Variants in ZDHHC21 observed in about 807,000 individuals in gnomAD.
ZDHHC21 encodes palmitoyltransferase ZDHHC21.
A neutral mutation model predicts 34.6 loss-of-function variants in ZDHHC21; 15 were observed. The ratio of observed to expected loss-of-function variants is 0.43; its 90% confidence interval spans 0.29 to 0.67. The LOEUF (loss-of-function observed/expected upper bound fraction) is 0.67. Ranked by LOEUF, ZDHHC21 falls within the 30% of genes least tolerant of loss-of-function variation. The probability of loss-of-function intolerance (pLI) is 0.14; values close to 1 mark genes in which losing one functional copy is unlikely to be tolerated. For synonymous variants in ZDHHC21, 142 were observed against 101.8 expected (o/e 1.40, Z -2.38); for missense variants, 344 against 327.7 (o/e 1.05, Z -0.38).
chr9:14,682,274 G>C (rs143885901), intron 2 of ZDHHC21, among the ~76,000 whole-genome samples: 24,196 of 152,170 alleles, frequency 0.16, 2,422 homozygotes, highest in East Asian at 0.35. Flanking sequence ...AGACCCATCA[G>C]TGTGCTGTAT....
At chr9:14,635,986 A>T (rs1828242575) in intron 8 of ZDHHC21, among the ~76,000 whole-genome samples, 1 of 152,218 alleles carries the variant, frequency 6.6e-6, no homozygotes. Context: ...AATAAAAGAA[A>T]AAGAAAAGTA....
In ZDHHC21 at chr9:14,611,764, G is replaced by C. The variant is rs1315102757; in HGVS notation, c.*7202C>G. On this transcript the variant is annotated 3_prime_UTR_variant, in exon 10 of 10. Transcript: ENST00000380916. The stretch of plus-strand genomic sequence containing the variant: ...AGCTCATACAGCATGATCCACGTGT[G>C]CTCTGTCCTTGCAAGAGCCTAGCTT... 1 of 152,014 alleles carries C rather than the reference G, an allele frequency of 6.6e-6. No homozygotes were observed. Among genetic ancestry groups the C allele is most frequent in the Non-Finnish European group, 1.5e-5 (1 of 67,944 alleles). 9.4% of individuals were successfully genotyped at this position (152,014 alleles called of 1,614,324 possible).
chr9:14,655,313 C>G (rs183198343), intron 7 of ZDHHC21, among the ~76,000 whole-genome samples: 1 of 151,888 alleles, frequency 6.6e-6, no homozygotes, highest in Non-Finnish European at 1.5e-5. Context: ...GGAACCAACA[C>G]TGAGAGAATT....
intron 8 of ZDHHC21, among the ~76,000 whole-genome samples, chr9:14,624,937 T>A (rs1825951858): frequency 6.6e-6 from 1 of 152,048 alleles, no homozygotes; most frequent in Non-Finnish European, 1.5e-5. Context: ...TATATATCAA[T>A]CAAAAATTTA....
intron 7 of ZDHHC21, among the ~76,000 whole-genome samples, chr9:14,643,693 T>C (rs1030284917): frequency 3.3e-5 from 5 of 152,230 alleles, no homozygotes; most frequent in Admixed American, 6.5e-5. Context: ...CATAGAATTA[T>C]TATTTAATTT....
rs558748466 is a variant in ZDHHC21, at chr9:14,687,136, C to G, written c.-176+3201G>C. Among the ~76,000 whole-genome samples the G allele has an allele frequency of 2.6e-5, 4 of 150,968 alleles. No homozygotes were observed. The East Asian group carries it at 5.8e-4, about 22-fold the overall frequency. Reference sequence around the variant, plus strand: ...TACTAAGTCTATGACTTGAGAGTGGCTTCCTAATGTTTCAGCAAAATAGTA... The same window carrying G: ...TACTAAGTCTATGACTTGAGAGTGGGTTCCTAATGTTTCAGCAAAATAGTA... On this transcript the variant is annotated intron_variant, in intron 2 of 9. Transcript: ENST00000380916.
intron 5 of ZDHHC21, among the ~76,000 whole-genome samples, chr9:14,668,501 C>T (rs978756120): frequency 8.6e-6 from 1 of 116,828 alleles, no homozygotes; most frequent in African/African-American, 3.5e-5. Flanking sequence ...GAAAGAACTA[C>T]TTTAAAGTTC....
At chr9:14,624,681 G>A (rs1292923787) in intron 8 of ZDHHC21, among the ~76,000 whole-genome samples, 1 of 152,000 alleles carries the variant, frequency 6.6e-6, no homozygotes, top group East Asian at 1.9e-4. Context: ...GAGGATGGTC[G>A]ATGGGTACAA....
At chr9:14,682,852 G>A (rs910986898) in intron 2 of ZDHHC21, among the ~76,000 whole-genome samples, 12 of 152,198 alleles carry the variant, frequency 7.9e-5, no homozygotes, top group South Asian at 2.1e-4. Context: ...AGACCACAGT[G>A]CAATCAAATT....
chr9:14,599,067 G>A, the ZDHHC21 span, among the ~76,000 whole-genome samples: 5 of 152,272 alleles, frequency 3.3e-5, no homozygotes, highest in Admixed American at 2.0e-4. Flanking sequence ...CCATCCCTGA[G>A]TGTGAAATTT....
At chr9:14,639,648 A>G (rs1403698208) in intron 8 of ZDHHC21, among the ~76,000 whole-genome samples, 1 of 152,062 alleles carries the variant, frequency 6.6e-6, no homozygotes, top group African/African-American at 2.4e-5. Flanking sequence ...ATCAATAAAA[A>G]ACTATAAACG....
chr9:14,590,518 A>G, the ZDHHC21 span, among the ~76,000 whole-genome samples: 1 of 152,188 alleles, frequency 6.6e-6, no homozygotes, highest in Non-Finnish European at 1.5e-5. Flanking sequence ...GAAAAATGAC[A>G]TATTGAATAA....
intron 7 of ZDHHC21, among the ~76,000 whole-genome samples, chr9:14,646,060 T>G (rs1830232738): frequency 6.6e-6 from 1 of 152,046 alleles, no homozygotes; most frequent in Non-Finnish European, 1.5e-5. Context: ...TACATCTAAG[T>G]GAAACACATG....
At chr9:14,595,112 T>C in the ZDHHC21 span, among the ~76,000 whole-genome samples, 4 of 152,192 alleles carry the variant, frequency 2.6e-5, no homozygotes, top group East Asian at 5.8e-4. Context: ...GTTAATAGTT[T>C]ATTAAAAAAT....
At chr9:14,659,023 TA>T in intron 6 of ZDHHC21, 136 bp from the exon 7 acceptor site, 1 of 821,058 alleles carries the variant, frequency 1.2e-6, no homozygotes, top group Non-Finnish European at 1.9e-6. Flanking sequence ...CACTTGAAGG[TA>T]AAAACAAACT....
At chr9:14,621,583 G>C (rs1825312508) in intron 8 of ZDHHC21, among the ~76,000 whole-genome samples, 1 of 152,042 alleles carries the variant, frequency 6.6e-6, no homozygotes, top group South Asian at 2.1e-4. Flanking sequence ...TGTGAGGCTG[G>C]CCCAAATAGG....
chr9:14,682,281 G>C (rs1171251539), intron 2 of ZDHHC21, among the ~76,000 whole-genome samples: 1 of 152,148 alleles, frequency 6.6e-6, no homozygotes, highest in African/African-American at 2.4e-5. Context: ...TCAGTGTGCT[G>C]TATTCAGGAG....
At chr9:14,633,099 G>A (rs941089389) in intron 8 of ZDHHC21, among the ~76,000 whole-genome samples, 1 of 152,170 alleles carries the variant, frequency 6.6e-6, no homozygotes, top group Non-Finnish European at 1.5e-5. Flanking sequence ...ACACAAAAAC[G>A]TGTAGGTGGG....
At chr9:14,659,013 C>A in intron 6 of ZDHHC21, 126 bp from the exon 7 acceptor site, 1 of 902,308 alleles carries the variant, frequency 1.1e-6, no homozygotes, top group Admixed American at 2.9e-5. Context: ...ATGCTATGGC[C>A]ACTTGAAGGT....
Sources: gnomAD v4.1 joint callset for allele counts (sites outside exome capture counted in the v4.1 genomes callset) on GRCh38, gnomAD v4.1.1 for gene constraint, MANE v1.5 for transcripts, NCBI Gene and HGNC (gene_info 2026-07-23, HGNC 2026-07-21) for gene names.